The following FAM135A variants were observed in gnomAD, a reference collection of about 807,000 sequenced individuals.
FAM135A encodes family with sequence similarity 135 member A, also known as protein FAM135A.
Under a neutral mutation model 146.8 loss-of-function variants are expected in FAM135A, and 79 were observed. The ratio of observed to expected loss-of-function variants is 0.54; its 90% CI spans 0.45 to 0.65. FAM135A has a LOEUF of 0.65. Ranked by LOEUF, FAM135A falls within the 30% of genes least tolerant of loss-of-function variation. The pLI, the probability that FAM135A is intolerant of heterozygous loss-of-function variation, is 0.00. For synonymous variants in FAM135A, 562 were observed against 603.6 expected (o/e 0.93, Z 1.01); for missense variants, 1,623 against 1,758.2 (o/e 0.92, Z 1.38).
intron 5 of FAM135A, among the ~76,000 whole-genome samples, chr6:70,459,733 A>T: frequency 6.6e-6 from 1 of 152,132 alleles, no homozygotes; most frequent in East Asian, 1.9e-4. Flanking sequence ...GCATATGGTT[A>T]AAAGATCAAT....
intron 10 of FAM135A, among the ~76,000 whole-genome samples, chr6:70,487,621 G>A (rs1424947786): frequency 2.0e-5 from 3 of 152,092 alleles, no homozygotes; most frequent in Admixed American, 2.0e-4. Flanking sequence ...GGAAAAAGAA[G>A]AGTTGAAAAT....
Position 70,538,399 on chromosome 6 carries a change from C to T in FAM135A, c.4226C>T (p.Ala1409Val). The change falls in exon 20 of 22, where the codon GCA becomes GTA. Residue 1409 changes from alanine (A) to valine (V), a missense_variant and splice_region_variant. Around this residue, in one of 7 missense-constraint regions of FAM135A, gnomAD observed 138 missense variants for 174.1 expected, o/e 0.79. Coordinates refer to ENST00000418814, the MANE Select transcript of FAM135A (RefSeq NM_001162529.3). ...QTFLYKLSNK[A>V]GLHYFKNVVL... is the part of the protein sequence containing the mutation. Reference sequence around the variant, plus strand: ...TTTTTATATAAGCTTAGTAACAAAGCAGGTAAGTATATAATAACAGTTTGG... The same window carrying T: ...TTTTTATATAAGCTTAGTAACAAAGTAGGTAAGTATATAATAACAGTTTGG... 6.8e-7 allele frequency: 1 copy of T among 1,470,766 alleles called. No homozygotes were observed. The highest frequency in any genetic ancestry group is 1.4e-5 in the African/African-American group (1 of 71,038). The allele number at this position is 1,470,766 out of a possible 1,614,324, so 91.1% of individuals were successfully genotyped here.
chr6:70,549,100 T>C (rs1331220214), intron 20 of FAM135A, among the ~76,000 whole-genome samples: 2 of 152,036 alleles, frequency 1.3e-5, no homozygotes, highest in Non-Finnish European at 2.9e-5. Context: ...GGAGAGTACA[T>C]TTATCAGAAT....
chr6:70,486,886 C>T (rs1487742265), intron 10 of FAM135A, among the ~76,000 whole-genome samples: 1 of 151,980 alleles, frequency 6.6e-6, no homozygotes, highest in African/African-American at 2.4e-5. Flanking sequence ...GAGATCGTGC[C>T]ATTGCACTCC....
chr6:70,440,233 C>T (rs1349327292), intron 4 of FAM135A, among the ~76,000 whole-genome samples: 1 of 152,202 alleles, frequency 6.6e-6, no homozygotes, highest in Non-Finnish European at 1.5e-5. Context: ...TGCATTGCAT[C>T]AGAGGACAGG....
At chr6:70,429,023 C>T (rs1454589333) in intron 4 of FAM135A, among the ~76,000 whole-genome samples, 3 of 151,968 alleles carry the variant, frequency 2.0e-5, no homozygotes, top group Non-Finnish European at 4.4e-5. Context: ...AAGAGGTGCT[C>T]TAGGAATCAA....
At chr6:70,498,049 G>C (rs1427390751) in intron 11 of FAM135A, among the ~76,000 whole-genome samples, 1 of 152,200 alleles carries the variant, frequency 6.6e-6, no homozygotes, top group Non-Finnish European at 1.5e-5. Flanking sequence ...AGAAGGAATG[G>C]TACTAGCCCC....
In FAM135A at chr6:70,473,825, AC is replaced by A. The variant is rs1390232354; in HGVS notation, c.158-1580del. On this transcript the variant is annotated intron_variant, in intron 5 of 21. Coordinates refer to ENST00000418814, the MANE Select transcript of FAM135A (RefSeq NM_001162529.3). ...GCTGCCCACCGCCTTCTTGACTCCC[AC>A]CCCCATATGAAGTCTTTTTATCCCT... is the stretch of plus-strand genomic sequence containing the variant. Among the ~76,000 whole-genome samples, 18 of 151,658 alleles carry A rather than the reference AC, an allele frequency of 1.2e-4. 1 individual carries two copies. In the South Asian group the frequency reaches 2.1e-3, roughly 18 times the overall value.
At chr6:70,452,459 T>C (rs778728718) in intron 4 of FAM135A, 33 bp from the exon 5 acceptor site, 2 of 1,516,128 alleles carry the variant, frequency 1.3e-6, no homozygotes, top group South Asian at 1.2e-5. Context: ...TTAAATATGT[T>C]TTGAAATAAC....
intron 20 of FAM135A, among the ~76,000 whole-genome samples, chr6:70,555,873 G>T (rs1429470953): frequency 1.3e-5 from 2 of 152,012 alleles, no homozygotes; most frequent in Non-Finnish European, 2.9e-5. Context: ...CAAAAAAGTG[G>T]TATAATCTAA....
chr6:70,432,652 T>C (rs1195386449), intron 4 of FAM135A, among the ~76,000 whole-genome samples: 1 of 152,164 alleles, frequency 6.6e-6, no homozygotes, highest in Non-Finnish European at 1.5e-5. Flanking sequence ...AACAGAAGAA[T>C]AGATTGCTTT....
chr6:70,419,680 T>C lies in FAM135A; in HGVS notation c.-134+4304T>C, dbSNP rs57247959. ...GAATGTCAGTCTCAGTTCCCACATATTGTCATAGTGTAAGCCCCTCATCTA... is the reference window on the plus strand; with the variant it reads ...GAATGTCAGTCTCAGTTCCCACATACTGTCATAGTGTAAGCCCCTCATCTA... On this transcript the variant is annotated intron_variant, in intron 2 of 21. Coordinates refer to ENST00000418814, the MANE Select transcript of FAM135A (RefSeq NM_001162529.3). 4.1e-3 allele frequency among the ~76,000 whole-genome samples: 620 copies of C among 152,322 alleles called. 3 individuals are homozygous for C. Among genetic ancestry groups the C allele is most frequent in the African/African-American group, 0.014 (600 of 41,572 alleles).
At chr6:70,424,635 C>A (rs1769617351) in intron 2 of FAM135A, among the ~76,000 whole-genome samples, 1 of 152,238 alleles carries the variant, frequency 6.6e-6, no homozygotes, top group South Asian at 2.1e-4. Flanking sequence ...AGGCACTAAA[C>A]CTGACATGGG....
At chr6:70,423,709 G>T (rs1189088636) in intron 2 of FAM135A, among the ~76,000 whole-genome samples, 1 of 152,192 alleles carries the variant, frequency 6.6e-6, no homozygotes. Context: ...TGACCATTTG[G>T]CTAAAAGGAA....
At chr6:70,452,629 A>C (rs1317294415) in intron 5 of FAM135A, 58 bp downstream of exon 5, 1 of 1,317,816 alleles carries the variant, frequency 7.6e-7, no homozygotes. Context: ...ATAACTTTTA[A>C]TAAAGTTTTT....
intron 20 of FAM135A, among the ~76,000 whole-genome samples, chr6:70,549,046 C>T (rs1799347969): frequency 1.3e-5 from 2 of 151,982 alleles, no homozygotes; most frequent in African/African-American, 4.8e-5. Context: ...GAAACAGAAA[C>T]CTTCATATAT....
In FAM135A at chr6:70,525,323, G is replaced by A; in HGVS notation, c.2239G>A (p.Val747Ile). The stretch of plus-strand genomic sequence containing the variant: ...CCCTTCTACAAAAGAATATCATGTT[G>A]TAGTAAGTGGAGATACAATTAAGTT... ...PAPSTKEYHV[V>I]VSGDTIKLPD... The change falls in exon 15 of 22, where the codon GTA becomes ATA. Residue 747 changes from valine to isoleucine, a missense_variant. Val to Ile is a conservative substitution (Grantham distance 29, BLOSUM62 3). Coordinates refer to ENST00000418814, the MANE Select transcript of FAM135A (RefSeq NM_001162529.3). The A allele has an allele frequency of 1.2e-6, 2 of 1,612,244 alleles. No individual in the cohort carries two copies. Among genetic ancestry groups the A allele is most frequent in the Non-Finnish European group, 1.7e-6 (2 of 1,179,246 alleles).
At chr6:70,480,012 G>A (rs559832134) in intron 8 of FAM135A, among the ~76,000 whole-genome samples, 21 of 152,264 alleles carry the variant, frequency 1.4e-4, no homozygotes, top group African/African-American at 4.8e-4. Context: ...GATTTTGCAA[G>A]CAAAACCTGC....
At chr6:70,454,258 A>AT (rs913536844) in intron 5 of FAM135A, among the ~76,000 whole-genome samples, 12 of 151,804 alleles carry the variant, frequency 7.9e-5, no homozygotes, top group African/African-American at 2.4e-4. Context: ...GGGTTGTTTG[A>AT]TTTTTTTCTT....
Sources: allele counts gnomAD v4.1 joint callset (sites outside exome capture counted in the v4.1 genomes callset), GRCh38; gene constraint gnomAD v4.1.1; regional missense constraint gnomAD v4.1.1; transcripts MANE v1.5; gene names NCBI Gene and HGNC (gene_info 2026-07-23, HGNC 2026-07-21).